Variants in B4GALT1 observed in about 807,000 individuals in gnomAD.
B4GALT1 encodes beta-1,4-galactosyltransferase 1.
In B4GALT1, 16 loss-of-function variants were observed where a neutral mutation model predicts 34.9. The observed-to-expected ratio is 0.46, with a 90% confidence interval of 0.31 to 0.70. The LOEUF is 0.70. Ranked by LOEUF, B4GALT1 falls within the 30% of genes least tolerant of loss-of-function variation. The pLI is 0.05. For synonymous variants in B4GALT1, 221 were observed against 218.1 expected, an observed-to-expected ratio of 1.01 and a Z score of -0.12; for missense variants, 445 against 530.5, an observed-to-expected ratio of 0.84 and a Z score of 1.58.
intron 1 of B4GALT1, among the ~76,000 whole-genome samples, chr9:33,159,837 C>G (rs1387059404): frequency 6.6e-6 from 1 of 152,204 alleles, no homozygotes; most frequent in Non-Finnish European, 1.5e-5. Context: ...AACCACAGCC[C>G]CAGAGCCACA....
At chr9:33,109,151 A>C (rs13296330), downstream of B4GALT1, among the ~76,000 whole-genome samples, 11,198 of 152,314 alleles carry the variant, frequency 0.074, 550 homozygotes, top group Middle Eastern at 0.13. Context: ...AGGAAGGGGA[A>C]AAGGGCTGAA....
intron 1 of B4GALT1, among the ~76,000 whole-genome samples, chr9:33,161,663 T>C (rs1376475083): frequency 4.6e-5 from 7 of 152,190 alleles, no homozygotes; most frequent in Admixed American, 4.6e-4. Flanking sequence ...AATGTAAAAC[T>C]GTCACCATGC....
chr9:33,184,253 T>TACACACACAC, the B4GALT1 span, among the ~76,000 whole-genome samples: 16,780 of 147,016 alleles, frequency 0.11, 964 homozygotes, highest in Middle Eastern at 0.19. Context: ...GTCACTCTTG[T>TACACACACAC]ACACACACAC....
chr9:33,179,678 A>G, the B4GALT1 span: 7 of 152,256 alleles, frequency 4.6e-5, no homozygotes, highest in African/African-American at 7.2e-5. Flanking sequence ...CAGGCTAGCA[A>G]CATATGAAGA....
downstream of B4GALT1, among the ~76,000 whole-genome samples, chr9:33,109,072 G>A (rs1037123078): frequency 1.3e-5 from 2 of 152,162 alleles, no homozygotes; most frequent in African/African-American, 2.4e-5. Context: ...CTCCTGGATG[G>A]GGACTGGTCA....
In B4GALT1 at chr9:33,120,656, CCAAA is replaced by C. The variant is rs770987163; in HGVS notation, c.649-54_649-51del. 51 of 1,585,432 alleles carry C rather than the reference CCAAA, an allele frequency of 3.2e-5. No homozygotes were observed. The African/African-American group carries it at 6.5e-4, about 20-fold the overall frequency. ...TATCAAATGCCTTAAAGCCTTTGGGCCAAACACTCACAGGGACTGGTGACTTGTC... is the reference window on the plus strand; with the variant it reads ...TATCAAATGCCTTAAAGCCTTTGGGCCACTCACAGGGACTGGTGACTTGTC... On this transcript the variant is annotated intron_variant, in intron 2 of 5. Coordinates refer to ENST00000379731, the MANE Select transcript of B4GALT1 (RefSeq NM_001497.4).
intron 1 of B4GALT1, among the ~76,000 whole-genome samples, chr9:33,146,703 T>C (rs1453016258): frequency 1.3e-5 from 2 of 151,830 alleles, no homozygotes; most frequent in East Asian, 1.9e-4. Flanking sequence ...TTTTCTTTTT[T>C]TTTTTTTTGA....
chr9:33,126,586 T>C (rs551378398), intron 2 of B4GALT1, among the ~76,000 whole-genome samples: 1 of 28,022 alleles, frequency 3.6e-5, no homozygotes, highest in Admixed American at 5.5e-4. Flanking sequence ...AGCTGGGCTC[T>C]AGTTGTTAAA....
intron 1 of B4GALT1, among the ~76,000 whole-genome samples, chr9:33,149,025 A>G (rs1840469917): frequency 6.6e-6 from 1 of 152,130 alleles, no homozygotes; most frequent in Admixed American, 6.6e-5. Context: ...ATTAATTAAT[A>G]GGGAAAAAGG....
intron 1 of B4GALT1, among the ~76,000 whole-genome samples, chr9:33,166,090 C>A (rs1177901374): frequency 2.7e-5 from 4 of 147,764 alleles, no homozygotes; most frequent in Non-Finnish European, 6.0e-5. Flanking sequence ...CTCTCGGTCA[C>A]GATCCACACA....
At chr9:33,170,130 C>T (rs148268546), upstream of B4GALT1, among the ~76,000 whole-genome samples, 1,121 of 151,730 alleles carry the variant, frequency 7.4e-3, 18 homozygotes, top group Non-Finnish European at 0.011. Flanking sequence ...CCACCATGCC[C>T]GGCTAATTTG....
upstream of B4GALT1, among the ~76,000 whole-genome samples, chr9:33,169,664 G>A (rs561526140): frequency 1.3e-3 from 195 of 152,110 alleles, no homozygotes; most frequent in Non-Finnish European, 2.3e-3. Context: ...GGGATTACAG[G>A]TGCCTGCCAT....
chr9:33,142,046 A>C (rs1433477917), intron 1 of B4GALT1, among the ~76,000 whole-genome samples: 2 of 151,918 alleles, frequency 1.3e-5, no homozygotes, highest in Non-Finnish European at 2.9e-5. Flanking sequence ...GCAGTGGCAC[A>C]ATCTTGGCTC....
At chr9:33,116,251 G>A (rs1351030873) in intron 3 of B4GALT1, 138 bp from the exon 4 acceptor site, 1 of 1,024,888 alleles carries the variant, frequency 9.8e-7, no homozygotes, top group African/African-American at 1.7e-5. Context: ...TTTTTTTTTT[G>A]AGACGTAGTC....
chr9:33,138,970 T>G (rs1251687641), intron 1 of B4GALT1, among the ~76,000 whole-genome samples: 1 of 151,370 alleles, frequency 6.6e-6, no homozygotes, highest in Non-Finnish European at 1.5e-5. Flanking sequence ...TCTCTCACCC[T>G]CACATACACA....
intron 1 of B4GALT1, among the ~76,000 whole-genome samples, chr9:33,143,382 A>G (rs1840381152): frequency 1.3e-5 from 2 of 152,232 alleles, no homozygotes; most frequent in African/African-American, 4.8e-5. Flanking sequence ...GACTGACCTC[A>G]GTGGAACTGC....
chr9:33,121,312 C>T (rs1005306775), intron 2 of B4GALT1, among the ~76,000 whole-genome samples: 3 of 152,214 alleles, frequency 2.0e-5, no homozygotes, highest in Admixed American at 6.5e-5. Context: ...GTGCCAACCA[C>T]GAGGTCCCCA....
intron 4 of B4GALT1, among the ~76,000 whole-genome samples, chr9:33,114,881 A>G (rs1564035662): frequency 6.6e-6 from 1 of 152,222 alleles, no homozygotes; most frequent in Non-Finnish European, 1.5e-5. Flanking sequence ...CTGCGTTAGC[A>G]TGGGACTAGA....
At chr9:33,133,633 C>T (rs986423625) in intron 2 of B4GALT1, among the ~76,000 whole-genome samples, 2 of 152,178 alleles carry the variant, frequency 1.3e-5, no homozygotes, top group Non-Finnish European at 2.9e-5. Context: ...CCAAGGTGAC[C>T]CACAACTGCG....
Sources: allele counts gnomAD v4.1 joint callset (sites outside exome capture counted in the v4.1 genomes callset), GRCh38; gene constraint gnomAD v4.1.1; transcripts MANE v1.5; gene names NCBI Gene and HGNC (gene_info 2026-07-23, HGNC 2026-07-21).